Variants in ZNF484 observed in about 807,000 individuals in gnomAD.
ZNF484 encodes the protein KRAB box containing C2H2 type zinc finger bA526D8.4.
A neutral mutation model predicts 12.9 loss-of-function variants in ZNF484; 11 were observed. The ratio of observed to expected loss-of-function variants is 0.85; its 90% confidence interval spans 0.54 to 1.41. The LOEUF (loss-of-function observed/expected upper bound fraction) is 1.41. Among genes scored for constraint, ZNF484 ranks in the 40% most tolerant of loss-of-function variants. The pLI is 0.00. For synonymous variants in ZNF484, 289 were observed against 334.1 expected, an observed-to-expected ratio of 0.86 and a Z score of 1.47; for missense variants, 807 against 1,007.7, an observed-to-expected ratio of 0.80 and a Z score of 2.70.
At chr9:92,851,056 T>TG (rs1856045273) in intron 4 of ZNF484, among the ~76,000 whole-genome samples, 1 of 152,224 alleles carries the variant, frequency 6.6e-6, no homozygotes, top group Non-Finnish European at 1.5e-5. Context: ...GCCAAGCACA[T>TG]GGCTGCTTCA....
intron 4 of ZNF484, among the ~76,000 whole-genome samples, chr9:92,851,870 A>G (rs1298736135): frequency 6.6e-6 from 1 of 152,220 alleles, no homozygotes; most frequent in East Asian, 1.9e-4. Flanking sequence ...CTTTTAACTT[A>G]AAAACAAACA....
chr9:92,871,264 G>T (rs1857413823), intron 2 of ZNF484, among the ~76,000 whole-genome samples: 3 of 151,970 alleles, frequency 2.0e-5, no homozygotes, highest in Non-Finnish European at 4.4e-5. Context: ...GAAAATTTTA[G>T]AATTAAAAAA....
chr9:92,874,931 C>T (rs1358733357), intron 2 of ZNF484, 84 bp downstream of exon 2: 1 of 1,299,620 alleles, frequency 7.7e-7, no homozygotes, highest in Non-Finnish European at 1.1e-6. Flanking sequence ...TGTCATCTTA[C>T]TATAGGGATT....
chr9:92,869,974 C>T (rs1460295669), intron 2 of ZNF484, among the ~76,000 whole-genome samples: 4 of 152,144 alleles, frequency 2.6e-5, no homozygotes, highest in South Asian at 2.1e-4. Flanking sequence ...CTGACCAAAA[C>T]GTATAAGACT....
chr9:92,867,567 G>A (rs1036002253), intron 2 of ZNF484, among the ~76,000 whole-genome samples: 7 of 152,086 alleles, frequency 4.6e-5, no homozygotes, highest in African/African-American at 1.7e-4. Context: ...ACCATGGCAC[G>A]CATATACCTA....
At chr9:92,856,090 T>A in intron 3 of ZNF484, 102 bp downstream of exon 3, 1 of 1,510,146 alleles carries the variant, frequency 6.6e-7, no homozygotes. Flanking sequence ...TCTTTAGAAG[T>A]CCCACATACC....
chr9:92,859,509 G>A (rs1020286150), intron 2 of ZNF484, among the ~76,000 whole-genome samples: 1 of 152,126 alleles, frequency 6.6e-6, no homozygotes, highest in Non-Finnish European at 1.5e-5. Flanking sequence ...AATGAGCACA[G>A]ACAAAAAAGG....
intron 2 of ZNF484, among the ~76,000 whole-genome samples, chr9:92,869,969 CA>C: frequency 6.6e-6 from 1 of 152,074 alleles, no homozygotes; most frequent in Admixed American, 6.5e-5. Context: ...TATAACTGAC[CA>C]AAACGTATAA....
Position 92,877,768 on chromosome 9 carries a change from G to A in ZNF484, c.-31+122C>T. On this transcript the variant is annotated intron_variant, in intron 1 of 4. Transcript: ENST00000375495. ...CACTCCTCCCTCAGATCCACCATCA[G>A]AGATCGCTCCGACTTCCACTATTCC... is the stretch of plus-strand genomic sequence containing the variant. The A allele has an allele frequency of 3.9e-6, 6 of 1,535,106 alleles. No homozygotes were observed. In the South Asian group the frequency reaches 4.8e-5, roughly 12 times the overall value.
rs1382148773 is a variant in ZNF484 at position 92,877,772 on chromosome 9, T to A, written c.-31+118A>T. Reference sequence around the variant, plus strand: ...CCTCCCTCAGATCCACCATCAGAGATCGCTCCGACTTCCACTATTCCATCC... The same window carrying A: ...CCTCCCTCAGATCCACCATCAGAGAACGCTCCGACTTCCACTATTCCATCC... On this transcript the variant is annotated intron_variant, in intron 1 of 4. Transcript: ENST00000375495. The A allele has an allele frequency of 2.1e-5, 33 of 1,535,276 alleles. No homozygotes were observed. In the South Asian group the frequency reaches 3.7e-4, roughly 17 times the overall value.
chr9:92,855,009 A>C (rs1413392358), intron 4 of ZNF484, among the ~76,000 whole-genome samples: 5 of 152,180 alleles, frequency 3.3e-5, no homozygotes, highest in Non-Finnish European at 2.9e-5. Context: ...AACATGTCAA[A>C]TATATTAGAA....
chr9:92,859,963 T>G (rs994599844), intron 2 of ZNF484, among the ~76,000 whole-genome samples: 3 of 152,162 alleles, frequency 2.0e-5, no homozygotes, highest in Non-Finnish European at 4.4e-5. Flanking sequence ...ATAATACGCA[T>G]GGAGTATTGC....
chr9:92,856,386 A>G, intron 2 of ZNF484, 68 bp from the exon 3 acceptor site: 1 of 1,099,262 alleles, frequency 9.1e-7, no homozygotes, highest in Non-Finnish European at 1.3e-6. Context: ...AAAAAAAAAA[A>G]CCTTTCAATG....
chr9:92,877,624 T>A (rs886328115), intron 1 of ZNF484, among the ~76,000 whole-genome samples: 1 of 151,714 alleles, frequency 6.6e-6, no homozygotes, highest in African/African-American at 2.4e-5. Flanking sequence ...ATAGTCATCC[T>A]CCCCCACAAC....
At chr9:92,861,077 G>T (rs911849400) in intron 2 of ZNF484, among the ~76,000 whole-genome samples, 2 of 151,992 alleles carry the variant, frequency 1.3e-5, no homozygotes, top group African/African-American at 4.8e-5. Flanking sequence ...AAATGAGGGA[G>T]ACCAAAATAG....
chr9:92,852,530 T>A (rs1270042035), intron 4 of ZNF484, among the ~76,000 whole-genome samples: 1 of 30,914 alleles, frequency 3.2e-5, no homozygotes, highest in East Asian at 5.5e-4. Context: ...ACGCCCAGCC[T>A]TTTTTTTTTT....
chr9:92,869,474 C>T (rs1191582967), intron 2 of ZNF484, among the ~76,000 whole-genome samples: 1 of 152,214 alleles, frequency 6.6e-6, no homozygotes, highest in African/African-American at 2.4e-5. Flanking sequence ...ATAATTCCAG[C>T]ACTTTGGGAG....
intron 2 of ZNF484, among the ~76,000 whole-genome samples, chr9:92,868,275 G>A (rs1345107052): frequency 3.3e-5 from 5 of 152,208 alleles, no homozygotes; most frequent in African/African-American, 7.2e-5. Context: ...GCTGAGTATC[G>A]GATAGAGAGT....
At position 92,846,255 on chromosome 9, in the gene ZNF484, A is replaced by G. The variant is rs113890113; in HGVS notation, c.2532T>C (p.Gly844=). The change falls in exon 5 of 5, where the codon GGT becomes GGC. Residue 844 remains glycine (G), a synonymous_variant. Coordinates refer to ENST00000375495, the MANE Select transcript of ZNF484 (RefSeq NM_031486.4). ...MPQLWCGDSE[G]DQGQLSSI ...AGATAGAAGAAAGTTGGCCTTGGTC[A>G]CCTTCTGAGTCCCCACACCATAATT... 6.2e-6 allele frequency: 10 copies of G among 1,613,242 alleles called. No homozygotes were observed. The African/African-American group carries it at 6.7e-5, about 11-fold the overall frequency.
Sources: gnomAD v4.1 joint callset for allele counts (sites outside exome capture counted in the v4.1 genomes callset) on GRCh38, gnomAD v4.1.1 for gene constraint, MANE v1.5 for transcripts, NCBI Gene and HGNC (gene_info 2026-07-23, HGNC 2026-07-21) for gene names.